Variants in GSK3B observed in about 807,000 individuals in gnomAD.
GSK3B encodes the protein glycogen synthase kinase-3 beta.
GSK3B carries 15 observed loss-of-function variants against 56.4 expected under a neutral mutation model. That is an observed-to-expected ratio of 0.27 (90% CI 0.18 to 0.41). The LOEUF is 0.41. Ranked by LOEUF, GSK3B falls within the 10% of genes least tolerant of loss-of-function variation. The probability of loss-of-function intolerance (pLI) is 1.00; values close to 1 mark genes in which losing one functional copy is unlikely to be tolerated. For synonymous variants in GSK3B, 181 were observed against 188.9 expected, an observed-to-expected ratio of 0.96 and a Z score of 0.34; for missense variants, 300 against 513.4, an observed-to-expected ratio of 0.58 and a Z score of 4.02.
chr3:120,031,298 C>T (rs1413626381), intron 1 of GSK3B, among the ~76,000 whole-genome samples: 2 of 152,088 alleles, frequency 1.3e-5, no homozygotes, highest in East Asian at 1.9e-4. Flanking sequence ...TGGAATGAAA[C>T]GTAGATAAAA....
At chr3:120,074,376 G>T (rs1259463696) in intron 1 of GSK3B, among the ~76,000 whole-genome samples, 1 of 141,682 alleles carries the variant, frequency 7.1e-6, no homozygotes, top group Non-Finnish European at 1.5e-5. Flanking sequence ...TTTTGAGACA[G>T]AGTTCCACTC....
At chr3:119,939,573 G>C (rs1048765652) in intron 3 of GSK3B, among the ~76,000 whole-genome samples, 1 of 152,046 alleles carries the variant, frequency 6.6e-6, no homozygotes, top group African/African-American at 2.4e-5. Flanking sequence ...ATTTATCCCT[G>C]TTTTAAAATA....
chr3:119,902,022 T>G (rs1296748076), intron 7 of GSK3B, among the ~76,000 whole-genome samples: 5 of 152,124 alleles, frequency 3.3e-5, no homozygotes, highest in Non-Finnish European at 1.5e-5. Flanking sequence ...TAATACGAGT[T>G]CCCTACTTAT....
chr3:120,045,549 T>G (rs1056864212), intron 1 of GSK3B, among the ~76,000 whole-genome samples: 3 of 152,150 alleles, frequency 2.0e-5, no homozygotes, highest in Non-Finnish European at 2.9e-5. Context: ...GCTTAAATTG[T>G]GCGGTTCAAC....
intron 2 of GSK3B, 121 bp from the exon 3 acceptor site, chr3:119,947,472 A>G (rs2057111791): frequency 4.5e-6 from 3 of 666,746 alleles, no homozygotes; most frequent in Non-Finnish European, 7.9e-6. Flanking sequence ...ATGCTACTAA[A>G]AAGTGTGATC....
chr3:119,846,546 C>T (rs561799854), intron 9 of GSK3B, among the ~76,000 whole-genome samples: 14 of 152,296 alleles, frequency 9.2e-5, no homozygotes, highest in African/African-American at 3.1e-4. Context: ...AAAAGCTCAT[C>T]ATCGCTGATT....
intron 2 of GSK3B, among the ~76,000 whole-genome samples, chr3:119,957,359 A>G (rs1446637399): frequency 6.6e-6 from 1 of 152,250 alleles, no homozygotes; most frequent in Non-Finnish European, 1.5e-5. Context: ...CTTGCCCAGC[A>G]CAGAAAGGGA....
intron 1 of GSK3B, among the ~76,000 whole-genome samples, chr3:120,071,561 G>A (rs907733241): frequency 3.3e-5 from 5 of 152,142 alleles, no homozygotes; most frequent in South Asian, 2.1e-4. Context: ...GCACACATGC[G>A]AGGGATCTAG....
intron 5 of GSK3B, among the ~76,000 whole-genome samples, chr3:119,915,192 A>C (rs888397044): frequency 6.6e-6 from 1 of 152,110 alleles, no homozygotes; most frequent in Non-Finnish European, 1.5e-5. Flanking sequence ...TTAAAAGCAG[A>C]AAGTTTGATG....
chr3:120,028,849 G>A (rs1367427538), intron 1 of GSK3B: 12 of 434,922 alleles, frequency 2.8e-5, no homozygotes, highest in South Asian at 1.8e-4. Flanking sequence ...GCCCCGCCAC[G>A]GCTGCTCAGA....
At position 119,975,346 on chromosome 3, in the gene GSK3B, C is replaced by T. The variant is rs1273463259; in HGVS notation, c.282+26700G>A. Among the ~76,000 whole-genome samples the T allele has an allele frequency of 1.5e-4, 23 of 152,166 alleles. No homozygotes were observed. In the East Asian group the frequency reaches 4.2e-3, roughly 28 times the overall value. On this transcript the variant is annotated intron_variant, in intron 2 of 10. Coordinates refer to ENST00000264235, the MANE Select transcript of GSK3B (RefSeq NM_001146156.2). ...CCTGTAATCTCAAATACTTGGGAGG[C>T]TGGGGCAGGAGAATCGCTTGAACCT...
At chr3:120,081,045 T>A (rs909858973) in intron 1 of GSK3B, among the ~76,000 whole-genome samples, 41 of 152,086 alleles carry the variant, frequency 2.7e-4, no homozygotes, top group African/African-American at 9.4e-4. Flanking sequence ...CCAAATAAAA[T>A]AATGTAAGGG....
chr3:120,068,390 CAAAA>C (rs66541739), intron 1 of GSK3B, among the ~76,000 whole-genome samples: 1 of 51,604 alleles, frequency 1.9e-5, no homozygotes, highest in Admixed American at 2.4e-4. Context: ...GACTCCGTCT[CAAAA>C]AAAAAAAAAA....
At chr3:120,050,724 C>G (rs1559891626) in intron 1 of GSK3B, among the ~76,000 whole-genome samples, 1 of 152,106 alleles carries the variant, frequency 6.6e-6, no homozygotes. Context: ...TTAACATGTT[C>G]AGTTTAAAGT....
chr3:119,953,954 AC>A (rs934440257), intron 2 of GSK3B, among the ~76,000 whole-genome samples: 1 of 152,138 alleles, frequency 6.6e-6, no homozygotes, highest in Non-Finnish European at 1.5e-5. Flanking sequence ...ATAAAAGGAT[AC>A]TTTTCAAAAG....
chr3:119,954,731 T>C (rs1393255620), intron 2 of GSK3B, among the ~76,000 whole-genome samples: 1 of 152,062 alleles, frequency 6.6e-6, no homozygotes, highest in African/African-American at 2.4e-5. Flanking sequence ...ACCTCTAGAG[T>C]AGACATGGAG....
intron 2 of GSK3B, among the ~76,000 whole-genome samples, chr3:119,981,380 A>C (rs1210427295): frequency 2.0e-5 from 3 of 152,204 alleles, no homozygotes; most frequent in Non-Finnish European, 1.5e-5. Flanking sequence ...GGGCAAGCTG[A>C]AGCAGGGTGG....
intron 6 of GSK3B, among the ~76,000 whole-genome samples, chr3:119,909,915 G>C (rs1005686507): frequency 1.3e-5 from 2 of 152,040 alleles, no homozygotes; most frequent in African/African-American, 4.8e-5. Flanking sequence ...TTCCTTCTAT[G>C]ACTAAACATC....
chr3:120,070,344 A>G (rs1418655823), intron 1 of GSK3B, among the ~76,000 whole-genome samples: 1 of 152,198 alleles, frequency 6.6e-6, no homozygotes, highest in African/African-American at 2.4e-5. Flanking sequence ...TATTACTGCT[A>G]ATAATAACAG....
Sources: gnomAD v4.1 joint callset for allele counts (sites outside exome capture counted in the v4.1 genomes callset) on GRCh38, gnomAD v4.1.1 for gene constraint, MANE v1.5 for transcripts, NCBI Gene and HGNC (gene_info 2026-07-23, HGNC 2026-07-21) for gene names.